Variants in NTM observed in about 807,000 individuals in gnomAD.
NTM encodes the protein neurotrimin, also known as IgLON family member 2.
Under a neutral mutation model 42.1 loss-of-function variants are expected in NTM, and 13 were observed. The observed-to-expected ratio is 0.31, with a 90% CI of 0.20 to 0.49. The LOEUF (loss-of-function observed/expected upper bound fraction) is 0.49, where lower values mean the gene tolerates loss of function less well. Among genes scored for constraint, NTM ranks in the 20% least tolerant of loss-of-function variants. The pLI is 0.99. For synonymous variants in NTM, 187 were observed against 179.2 expected (o/e 1.04, Z -0.35); for missense variants, 373 against 452.8 (o/e 0.82, Z 1.60).
chr11:131,802,591 C>A (rs141817792), intron 1 of NTM, among the ~76,000 whole-genome samples: 1 of 152,110 alleles, frequency 6.6e-6, no homozygotes, highest in African/African-American at 2.4e-5. Context: ...GGGTTAGGGC[C>A]GTGAGGGTGT....
intron 1 of NTM, among the ~76,000 whole-genome samples, chr11:131,487,109 G>T (rs937645022): frequency 6.6e-6 from 1 of 152,170 alleles, no homozygotes; most frequent in African/African-American, 2.4e-5. Flanking sequence ...CACCAGGAGG[G>T]CCTGTCAGAC....
At chr11:132,319,520 G>T (rs2095511609) in intron 7 of NTM, among the ~76,000 whole-genome samples, 1 of 152,214 alleles carries the variant, frequency 6.6e-6, no homozygotes, top group Non-Finnish European at 1.5e-5. Flanking sequence ...CTCACTCATT[G>T]CTGGCACAGC....
At chr11:131,495,770 GCAGAAGGCCC>G (rs1285831908) in intron 1 of NTM, among the ~76,000 whole-genome samples, 1 of 152,228 alleles carries the variant, frequency 6.6e-6, no homozygotes, top group Admixed American at 6.5e-5. Flanking sequence ...TTGAGGCTCA[GCAGAAGGCCC>G]CAGGTTAAAG....
intron 1 of NTM, among the ~76,000 whole-genome samples, chr11:131,432,839 C>CCTTTTTTTTTTTTTTTTTTTTTTTTTTT (rs1565494793): frequency 4.4e-5 from 3 of 68,694 alleles, no homozygotes; most frequent in Non-Finnish European, 7.7e-5. Context: ...ATTTAGCATT[C>CCTTTTTTTTTTTTTTTTTTTTTTTTTTT]TTTTTTTTTT....
At chr11:131,783,660 A>C (rs2088593432) in intron 1 of NTM, among the ~76,000 whole-genome samples, 1 of 152,198 alleles carries the variant, frequency 6.6e-6, no homozygotes, top group African/African-American at 2.4e-5. Context: ...ACCACAGTTC[A>C]TATAAGAGCA....
intron 1 of NTM, among the ~76,000 whole-genome samples, chr11:131,726,787 C>T: frequency 6.6e-6 from 1 of 151,180 alleles, no homozygotes; most frequent in East Asian, 1.9e-4. Context: ...AATCACAGCT[C>T]ATTGCAGCCT....
intron 1 of NTM, among the ~76,000 whole-genome samples, chr11:131,530,520 A>G (rs1247856121): frequency 6.6e-6 from 1 of 152,066 alleles, no homozygotes; most frequent in African/African-American, 2.4e-5. Flanking sequence ...AGGGAAGGGA[A>G]AACACTTTCC....
chr11:132,241,069 T>C (rs2090112422), intron 4 of NTM, among the ~76,000 whole-genome samples: 1 of 152,196 alleles, frequency 6.6e-6, no homozygotes, highest in Non-Finnish European at 1.5e-5. Context: ...GCTATGTGTA[T>C]AAAGTATATA....
chr11:132,284,754 C>A (rs1298748978), intron 4 of NTM: 1 of 152,704 alleles, frequency 6.5e-6, no homozygotes. Context: ...CCACCTGACT[C>A]TTCCCCGACA....
Position 132,121,656 on chromosome 11 carries a change from C to T in NTM, c.168-24626C>T, listed in dbSNP as rs115617561. Among the ~76,000 whole-genome samples, 633 of 152,276 alleles carry T rather than the reference C, an allele frequency of 4.2e-3. 5 individuals carry two copies. The highest frequency in any genetic ancestry group is 0.014 in the African/African-American group (599 of 41,560). On this transcript the variant is annotated intron_variant, in intron 2 of 8. Transcript: ENST00000683400. ...TTTAATTCTCATTTTATTTTCCTTT[C>T]CCATGAGTCATTTGTGTCCTCACAC...
At chr11:132,079,948 T>C (rs1226061057) in intron 2 of NTM, among the ~76,000 whole-genome samples, 1 of 152,180 alleles carries the variant, frequency 6.6e-6, no homozygotes, top group African/African-American at 2.4e-5. Flanking sequence ...AGTTGATTTT[T>C]TAAATTTCGA....
intron 2 of NTM, among the ~76,000 whole-genome samples, chr11:132,094,313 T>A (rs2136448649): frequency 6.6e-6 from 1 of 152,312 alleles, no homozygotes; most frequent in Middle Eastern, 3.4e-3. Context: ...CAAGCTGGAT[T>A]TCTGGTTCCA....
chr11:132,025,591 A>G (rs966100541), intron 2 of NTM, among the ~76,000 whole-genome samples: 2 of 152,124 alleles, frequency 1.3e-5, no homozygotes, highest in South Asian at 2.1e-4. Context: ...TTTGAGAGCC[A>G]CTGTCCTAGA....
chr11:132,001,103 G>C (rs1045320753), intron 2 of NTM, among the ~76,000 whole-genome samples: 1 of 151,912 alleles, frequency 6.6e-6, no homozygotes, highest in African/African-American at 2.4e-5. Flanking sequence ...AGGAGCGTTT[G>C]TTTTGCAGGT....
At chr11:131,968,458 G>A (rs1159932399) in intron 2 of NTM, among the ~76,000 whole-genome samples, 1 of 152,196 alleles carries the variant, frequency 6.6e-6, no homozygotes, top group Admixed American at 6.5e-5. Flanking sequence ...AGGTTAAAGA[G>A]TGGCAGGTGG....
At chr11:132,255,767 T>C (rs928466028) in intron 4 of NTM, among the ~76,000 whole-genome samples, 3 of 152,166 alleles carry the variant, frequency 2.0e-5, no homozygotes, top group South Asian at 4.2e-4. Context: ...CTGCTTTCCA[T>C]GCAGCTCTGC....
At chr11:131,571,673 T>G (rs1431942036) in intron 1 of NTM, among the ~76,000 whole-genome samples, 1 of 152,378 alleles carries the variant, frequency 6.6e-6, no homozygotes, top group East Asian at 1.9e-4. Context: ...TCTGTCCTTC[T>G]GTTTATGTTC....
At chr11:131,970,341 G>C (rs2063372804) in intron 2 of NTM, among the ~76,000 whole-genome samples, 1 of 152,202 alleles carries the variant, frequency 6.6e-6, no homozygotes, top group Non-Finnish European at 1.5e-5. Flanking sequence ...CAGTGGGCTT[G>C]GGGACCTCTT....
intron 1 of NTM, among the ~76,000 whole-genome samples, chr11:131,670,210 C>T (rs113123479): frequency 4.6e-5 from 7 of 152,300 alleles, no homozygotes; most frequent in African/African-American, 1.4e-4. Context: ...TCTCCTGCCA[C>T]GTCCAGTACC....
Sources: gnomAD v4.1 joint callset for allele counts (sites outside exome capture counted in the v4.1 genomes callset) on GRCh38, gnomAD v4.1.1 for gene constraint, MANE v1.5 for transcripts, NCBI Gene and HGNC (gene_info 2026-07-23, HGNC 2026-07-21) for gene names.